The following ZNF570 variants were observed in gnomAD, a reference collection of about 807,000 sequenced individuals.
The protein encoded by ZNF570 is zinc finger protein 570.
A neutral mutation model predicts 14.2 loss-of-function variants in ZNF570; 8 were observed. That is an observed-to-expected ratio of 0.56 (90% CI 0.33 to 1.02). ZNF570 has a LOEUF of 1.02. ZNF570 is among the 50% of genes least tolerant of loss of function. ZNF570 has a pLI of 0.03. For synonymous variants in ZNF570, 202 were observed against 207.6 expected, an observed-to-expected ratio of 0.97 and a Z score of 0.23; for missense variants, 559 against 624.9, an observed-to-expected ratio of 0.89 and a Z score of 1.12.
chr19:37,468,927 C>A, upstream of ZNF570: 1 of 454,678 alleles, frequency 2.2e-6, no homozygotes, highest in Non-Finnish European at 2.9e-6. Context: ...TCTAGGAATT[C>A]GCCTCCCACC....
intron 1 of ZNF570, 196 bp from the exon 2 acceptor site, chr19:37,470,108 T>C (rs1431085584): frequency 3.8e-6 from 2 of 524,520 alleles, no homozygotes; most frequent in East Asian, 3.1e-5. Context: ...AGAACATCTG[T>C]TGTTAACCTA....
At chr19:37,475,176 C>G (rs2042009995) in intron 2 of ZNF570, among the ~76,000 whole-genome samples, 1 of 152,152 alleles carries the variant, frequency 6.6e-6, no homozygotes, top group Non-Finnish European at 1.5e-5. Flanking sequence ...GTTGGCCAGG[C>G]TGGTCTCAAA....
chr19:37,470,824 C>G (rs1389391976), intron 2 of ZNF570, among the ~76,000 whole-genome samples: 1 of 150,636 alleles, frequency 6.6e-6, no homozygotes, highest in Non-Finnish European at 1.5e-5. Flanking sequence ...CTCAGCCTCC[C>G]GAGTAGCTGG....
upstream of ZNF570, chr19:37,469,021 C>T: frequency 1.0e-6 from 1 of 984,714 alleles, no homozygotes; most frequent in Non-Finnish European, 1.2e-6. Context: ...ACTCCCCGCC[C>T]TGGTTGCTAA....
At position 37,475,955 on chromosome 19, in the gene ZNF570, A is replaced by G. The variant is rs747775629; in HGVS notation, c.108A>G (p.Arg36=). Residue 36 remains arginine (R), a synonymous_variant, in exon 3 of 5, where the codon AGA becomes AGG. Transcript: ENST00000330173. The part of the protein sequence containing the change: ...EEWDCLDSSQ[R]HLYSNVMLEN... The stretch of plus-strand genomic sequence containing the variant: ...GGGATTGTCTGGATTCTTCTCAAAG[A>G]CATCTGTACAGTAATGTGATGCTAG... 4 of 1,614,050 alleles carry G rather than the reference A, an allele frequency of 2.5e-6. No individual in the cohort carries two copies. The South Asian group carries it at 3.3e-5, about 13-fold the overall frequency.
At chr19:37,468,414 T>C (rs908855090), upstream of ZNF570, among the ~76,000 whole-genome samples, 1 of 152,084 alleles carries the variant, frequency 6.6e-6, no homozygotes, top group Admixed American at 6.5e-5. Context: ...AAAGAGATAA[T>C]AGGCCGGACG....
intron 4 of ZNF570, among the ~76,000 whole-genome samples, chr19:37,480,919 C>T (rs2042080292): frequency 6.6e-6 from 1 of 151,402 alleles, no homozygotes; most frequent in African/African-American, 2.4e-5. Flanking sequence ...ACTGCACTAC[C>T]GCCTAGGTGA....
chr19:37,470,128 G>T, intron 1 of ZNF570, 176 bp from the exon 2 acceptor site: 1 of 549,606 alleles, frequency 1.8e-6, no homozygotes, highest in Non-Finnish European at 3.2e-6. Context: ...AAGGAATTGG[G>T]AAATGATTTA....
rs1005458073 is a variant in ZNF570, at chr19:37,487,783, G to C, written c.*2550G>C. The C allele has an allele frequency of 2.6e-5, 4 of 152,004 alleles. No homozygotes were observed. Among genetic ancestry groups the C allele is most frequent in the East Asian group, 1.9e-4 (1 of 5,194 alleles). 9.4% of individuals were successfully genotyped at this position (152,004 alleles called of 1,614,324 possible). A position where few individuals can be genotyped will look rare whatever the true frequency, so the allele number is the denominator to read the frequency against. On this transcript the variant is annotated 3_prime_UTR_variant, in exon 5 of 5. Transcript: ENST00000330173. The stretch of plus-strand genomic sequence containing the variant: ...AAATTTATGAGGTATAAATTCTTAA[G>C]AGCAGCAAGAAAAATTTCGAATCTA...
intron 2 of ZNF570, among the ~76,000 whole-genome samples, chr19:37,473,456 C>G (rs1216861962): frequency 6.6e-6 from 1 of 151,952 alleles, no homozygotes; most frequent in Non-Finnish European, 1.5e-5. Context: ...GGATGAGGAA[C>G]AGTGAAAAAG....
intron 2 of ZNF570, among the ~76,000 whole-genome samples, chr19:37,474,351 T>TTA (rs2042000747): frequency 6.6e-6 from 1 of 152,206 alleles, no homozygotes; most frequent in Non-Finnish European, 1.5e-5. Context: ...GGAAGCATTG[T>TTA]TAGCAGGAGC....
chr19:37,478,647 T>C (rs2042053922), intron 4 of ZNF570, among the ~76,000 whole-genome samples: 1 of 151,370 alleles, frequency 6.6e-6, no homozygotes, highest in African/African-American at 2.4e-5. Flanking sequence ...GCATTTTGTT[T>C]TTTAATAATT....
upstream of ZNF570, chr19:37,467,806 G>A (rs2041873484): frequency 7.1e-7 from 1 of 1,407,652 alleles, no homozygotes; most frequent in Admixed American, 2.0e-5. Context: ...GAGGTCGTGC[G>A]AATATGCGAC....
chr19:37,485,357 T>G lies in ZNF570; in HGVS notation c.*124T>G. ...TCAAACAGGTTTTCCTGTATTTATT[T>G]TTGCTACCTTTAAATCCATTTCCCA... On this transcript the variant is annotated 3_prime_UTR_variant, in exon 5 of 5. Coordinates refer to ENST00000330173, the MANE Select transcript of ZNF570 (RefSeq NM_144694.5). 1 of 995,314 alleles carries G rather than the reference T, an allele frequency of 1.0e-6. No individual in the cohort carries two copies. Among genetic ancestry groups the G allele is most frequent in the Non-Finnish European group, 1.4e-6 (1 of 721,856 alleles). 61.7% of individuals were successfully genotyped at this position (995,314 alleles called of 1,614,324 possible).
At position 37,469,393 on chromosome 19, in the gene ZNF570, A is replaced by G; in HGVS notation, c.-216A>G. On this transcript the variant is annotated 5_prime_UTR_variant, in exon 1 of 5. Transcript: ENST00000330173. ...GCCCGTAAGGGCTGGGTTCCATCCAACTAAGGGTAGCGGTGAGACCCGAGT... is the reference window on the plus strand; with the variant it reads ...GCCCGTAAGGGCTGGGTTCCATCCAGCTAAGGGTAGCGGTGAGACCCGAGT... The G allele has an allele frequency of 6.7e-7, 1 of 1,501,020 alleles. No individual in the cohort carries two copies. The highest frequency in any genetic ancestry group is 1.3e-5 in the South Asian group (1 of 79,140). 93.0% of individuals were successfully genotyped at this position (1,501,020 alleles called of 1,614,324 possible).
rs758684042 is a variant in ZNF570, at chr19:37,484,848, C to G, written c.1226C>G (p.Thr409Ser). 2 of 1,613,282 alleles carry G rather than the reference C, an allele frequency of 1.2e-6. No homozygotes were observed. Among genetic ancestry groups the G allele is most frequent in the Non-Finnish European group, 1.7e-6 (2 of 1,179,900 alleles). The change falls in exon 5 of 5, where the codon ACT becomes AGT. Residue 409 changes from threonine (T) to serine (S), a missense_variant. Transcript: ENST00000330173. ...CTTGCTCAACATCAGAGAATTCATA[C>G]TGGAGAAAAACCTTATAAGTGTCAG... is the stretch of plus-strand genomic sequence containing the variant. The part of the protein sequence containing the change: ...SHLAQHQRIH[T>S]GEKPYKCQEC...
upstream of ZNF570, among the ~76,000 whole-genome samples, chr19:37,468,276 A>G (rs984546991): frequency 3.3e-5 from 5 of 151,848 alleles, 1 homozygote; most frequent in Non-Finnish European, 7.4e-5. Flanking sequence ...GTTAGTAGAG[A>G]TAAGGTCTCG....
chr19:37,482,506 A>G (rs1011771515), intron 4 of ZNF570, among the ~76,000 whole-genome samples: 3 of 152,256 alleles, frequency 2.0e-5, no homozygotes, highest in Non-Finnish European at 4.4e-5. Flanking sequence ...TGACACTACC[A>G]ACAGGATGGT....
chr19:37,482,083 A>G (rs527821915), intron 4 of ZNF570, among the ~76,000 whole-genome samples: 3 of 152,314 alleles, frequency 2.0e-5, no homozygotes, highest in African/African-American at 7.2e-5. Context: ...CTCAAGTTAT[A>G]TCTGTATTAT....
Sources: gnomAD v4.1 joint callset for allele counts (sites outside exome capture counted in the v4.1 genomes callset) on GRCh38, gnomAD v4.1.1 for gene constraint, MANE v1.5 for transcripts, NCBI Gene and HGNC (gene_info 2026-07-23, HGNC 2026-07-21) for gene names.